Variants in LRP6 observed in about 807,000 individuals in gnomAD.
LRP6 encodes LDL receptor related protein 6.
Under a neutral mutation model 184.1 loss-of-function variants are expected in LRP6, and 43 were observed. The ratio of observed to expected loss-of-function variants is 0.23; its 90% CI spans 0.18 to 0.30. The LOEUF (loss-of-function observed/expected upper bound fraction) is 0.30. LRP6 is among the 10% of genes least tolerant of loss of function. The probability of loss-of-function intolerance (pLI) is 1.00; values close to 1 mark genes in which losing one functional copy is unlikely to be tolerated. For missense variants in LRP6, 1,571 were observed against 2,005.3 expected, an observed-to-expected ratio of 0.78 and a Z score of 4.14; for synonymous variants, 719 against 684.9, an observed-to-expected ratio of 1.05 and a Z score of -0.78.
In LRP6 at chr12:12,138,799, C is replaced by T. The variant is rs753580638; in HGVS notation, c.3398-265G>A. On this transcript the variant is annotated intron_variant, in intron 15 of 22. Coordinates refer to ENST00000261349, the MANE Select transcript of LRP6 (RefSeq NM_002336.3). ...TAGAAATGTAGAAAAGAACTTAGAA[C>T]AGTAGTTTGAAAAACCCTAACTTAT... 12 of 1,452,854 alleles carry T rather than the reference C, an allele frequency of 8.3e-6. No individual in the cohort carries two copies. The African/African-American group carries it at 1.6e-4, about 19-fold the overall frequency. 90.0% of individuals were successfully genotyped at this position (1,452,854 alleles called of 1,614,324 possible). A position where few individuals can be genotyped will look rare whatever the true frequency, so the allele number is the denominator to read the frequency against.
chr12:12,215,692 T>C (rs766958536), intron 2 of LRP6, among the ~76,000 whole-genome samples: 29 of 150,950 alleles, frequency 1.9e-4, no homozygotes, highest in Non-Finnish European at 3.5e-4. Flanking sequence ...TGTTTTCAGG[T>C]ATTAAAGATC....
intron 21 of LRP6, 34 bp downstream of exon 21, chr12:12,125,258 TTATG>T (rs1404892688): frequency 6.2e-7 from 1 of 1,611,302 alleles, no homozygotes; most frequent in Admixed American, 1.7e-5. Flanking sequence ...ATCTAAGATC[TTATG>T]TATGTCGCAT....
rs558760691 is a variant in LRP6, at chr12:12,185,284, C to T, written c.845-1173G>A. ...AACGCACAACAGAGCAAGACTCTAT[C>T]TCAAAAAACAAACAAAAAACAGGGA... On this transcript the variant is annotated intron_variant, in intron 4 of 22. Coordinates refer to ENST00000261349, the MANE Select transcript of LRP6 (RefSeq NM_002336.3). Among the ~76,000 whole-genome samples the T allele has an allele frequency of 2.1e-3, 323 of 152,130 alleles. 2 individuals carry two copies. Among genetic ancestry groups the T allele is most frequent in the African/African-American group, 7.6e-3 (314 of 41,486 alleles).
At chr12:12,198,453 T>TCCC (rs1266122235) in intron 3 of LRP6, among the ~76,000 whole-genome samples, 1 of 151,876 alleles carries the variant, frequency 6.6e-6, no homozygotes, top group African/African-American at 2.4e-5. Context: ...CAACCTAGTG[T>TCCC]CCCTTCTAGT....
rs567315765 is a variant in LRP6, at chr12:12,119,987, C to CAAACAAACAAACAAAAAAAAAAAAA, written c.*1138_*1139insTTTTTTTTTTTTTGTTTGTTTGTTT. The CAAACAAACAAACAAAAAAAAAAAAA allele has an allele frequency of 9.3e-5, 4 of 42,938 alleles. No individual in the cohort carries two copies. Among genetic ancestry groups the CAAACAAACAAACAAAAAAAAAAAAA allele is most frequent in the Non-Finnish European group, 1.4e-4 (3 of 22,140 alleles). 2.7% of individuals were successfully genotyped at this position (42,938 alleles called of 1,614,324 possible). A position where few individuals can be genotyped will look rare whatever the true frequency, so the allele number is the denominator to read the frequency against. On this transcript the variant is annotated 3_prime_UTR_variant, in exon 23 of 23. Transcript: ENST00000261349. ...TTTACTCAGAAAACAAACAAACAAA[C>CAAACAAACAAACAAAAAAAAAAAAA]AAAATATATATATATATATATATAT...
chr12:12,183,749 G>A (rs953878677), intron 5 of LRP6, among the ~76,000 whole-genome samples: 7 of 152,002 alleles, frequency 4.6e-5, no homozygotes, highest in African/African-American at 1.2e-4. Context: ...GATACAACAC[G>A]TAACTTTTTT....
At chr12:12,160,289 AG>A (rs1862708862) in intron 10 of LRP6, among the ~76,000 whole-genome samples, 1 of 152,196 alleles carries the variant, frequency 6.6e-6, no homozygotes, top group Non-Finnish European at 1.5e-5. Flanking sequence ...AAAACAGCAA[AG>A]GTTTAAAGCT....
rs776503670 is a variant in LRP6, at chr12:12,138,525, C to T, written c.3407G>A (p.Arg1136Gln). 6.5e-5 allele frequency: 105 copies of T among 1,613,442 alleles called. No individual in the cohort carries two copies. The highest frequency in any genetic ancestry group is 8.4e-5 in the Non-Finnish European group (99 of 1,179,652). The part of the protein sequence containing the change: ...IESSDLSGAN[R>Q]IVLEDSNILQ... ...GATATTGGAGTCTTCTAATACTATC[C>T]GGTTAGCACCTTGGAAAAGGAGAAA... Residue 1136 changes from arginine (R) to glutamine (Q), a missense_variant, in exon 16 of 23, where the codon CGG becomes CAG. Around this residue, in one of 4 missense-constraint regions of LRP6, gnomAD observed 763 missense variants for 859.5 expected, o/e 0.89. Coordinates refer to ENST00000261349, the MANE Select transcript of LRP6 (RefSeq NM_002336.3).
rs1949530094 is a variant in LRP6 at position 12,117,194 on chromosome 12, T to C, written c.*3932A>G. 1 of 152,218 alleles carries C rather than the reference T, an allele frequency of 6.6e-6. No individual in the cohort carries two copies. Among genetic ancestry groups the C allele is most frequent in the Non-Finnish European group, 1.5e-5 (1 of 68,024 alleles). 9.4% of individuals were successfully genotyped at this position (152,218 alleles called of 1,614,324 possible). On this transcript the variant is annotated 3_prime_UTR_variant, in exon 23 of 23. Transcript: ENST00000261349. ...TAGGCTTAAGAAATACCAAATAAAA[T>C]TAAATTCCTTGGGTTTAAGAATTCT...
At chr12:12,184,889 T>A (rs1041826131) in intron 4 of LRP6, among the ~76,000 whole-genome samples, 4 of 151,724 alleles carry the variant, frequency 2.6e-5, no homozygotes, top group Admixed American at 2.6e-4. Flanking sequence ...TAGAAAAAAA[T>A]CAACATAAGA....
intron 2 of LRP6, among the ~76,000 whole-genome samples, chr12:12,238,640 C>A (rs143636534): frequency 6.6e-6 from 1 of 152,056 alleles, no homozygotes; most frequent in Non-Finnish European, 1.5e-5. Flanking sequence ...TAACTAATCA[C>A]GTAGAATTCT....
intron 3 of LRP6, among the ~76,000 whole-genome samples, chr12:12,199,741 G>A (rs187332544): frequency 2.6e-5 from 4 of 151,886 alleles, no homozygotes; most frequent in African/African-American, 4.8e-5. Flanking sequence ...TGAGGCGGGC[G>A]GATCACGAGG....
At position 12,119,805 on chromosome 12, in the gene LRP6, A is replaced by G. The variant is rs979088989; in HGVS notation, c.*1321T>C. The stretch of plus-strand genomic sequence containing the variant: ...TGGGTAACAGAAAGATATTAAATTC[A>G]TGTCACACATTAGAAGAGGTATGTA... On this transcript the variant is annotated 3_prime_UTR_variant, in exon 23 of 23. Coordinates refer to ENST00000261349, the MANE Select transcript of LRP6 (RefSeq NM_002336.3). The G allele has an allele frequency of 6.6e-6, 1 of 151,806 alleles. No individual in the cohort carries two copies. The highest frequency in any genetic ancestry group is 1.5e-5 in the Non-Finnish European group (1 of 67,952). The allele number at this position is 151,806 out of a possible 1,614,324, so 9.4% of individuals were successfully genotyped here. A position where few individuals can be genotyped will look rare whatever the true frequency, so the allele number is the denominator to read the frequency against.
chr12:12,172,856 G>C (rs1259585351), intron 7 of LRP6, among the ~76,000 whole-genome samples: 3 of 152,154 alleles, frequency 2.0e-5, no homozygotes, highest in Non-Finnish European at 4.4e-5. Flanking sequence ...GAAGTAAAGG[G>C]ACACCACACA....
chr12:12,192,624 T>C (rs1031033835), intron 3 of LRP6, among the ~76,000 whole-genome samples: 1 of 152,056 alleles, frequency 6.6e-6, no homozygotes, highest in Non-Finnish European at 1.5e-5. Context: ...ACAAAAAAGA[T>C]TTTAAGTATA....
rs765444240 is a variant in LRP6 at position 12,133,845 on chromosome 12, T to TTGGGG, written c.3733+1329_3733+1330insCCCCA. ...TGATAGGGAAACACATGCTATTTTT[T>TTGGGG]GGGGGGGGGGGGGGGGGAGGGTAAA... On this transcript the variant is annotated intron_variant, in intron 17 of 22. Coordinates refer to ENST00000261349, the MANE Select transcript of LRP6 (RefSeq NM_002336.3). Among the ~76,000 whole-genome samples the TTGGGG allele has an allele frequency of 3.0e-4, 12 of 39,954 alleles. 2 individuals carry two copies. Among genetic ancestry groups the TTGGGG allele is most frequent in the Middle Eastern group, 8.2e-3 (1 of 122 alleles). 26.2% of individuals were successfully genotyped at this position (39,954 alleles called of 152,430 possible).
intron 2 of LRP6, among the ~76,000 whole-genome samples, chr12:12,239,468 G>A (rs370220521): frequency 6.6e-6 from 1 of 152,246 alleles, no homozygotes; most frequent in East Asian, 1.9e-4. Context: ...AAGAAATATA[G>A]TATCAATATC....
chr12:12,199,368 G>C (rs1209572438), intron 3 of LRP6, among the ~76,000 whole-genome samples: 8 of 151,872 alleles, frequency 5.3e-5, no homozygotes, highest in African/African-American at 1.4e-4. Context: ...CAGGAACTTT[G>C]AAGTGAAAAA....
chr12:12,179,371 TATAGATATAGATATAGATATAG>T (rs1565607799), intron 7 of LRP6, among the ~76,000 whole-genome samples: 42 of 123,764 alleles, frequency 3.4e-4, no homozygotes, highest in South Asian at 3.0e-3. Flanking sequence ...AAGATATAGA[TATAGATATAGATATAGATATAG>T]ATATAGATAT....
Sources: allele counts gnomAD v4.1 joint callset (sites outside exome capture counted in the v4.1 genomes callset), GRCh38; gene constraint gnomAD v4.1.1; regional missense constraint gnomAD v4.1.1; transcripts MANE v1.5; gene names NCBI Gene and HGNC (gene_info 2026-07-23, HGNC 2026-07-21).